RXYLT1: variants seen among roughly 807,000 people sequenced by gnomAD.
RXYLT1 encodes ribitol xylosyltransferase 1, also known as ribitol-5-phosphate xylosyltransferase 1.
RXYLT1 carries 41 observed loss-of-function variants against 43.5 expected under a neutral mutation model. That is an observed-to-expected ratio of 0.94 (90% confidence interval 0.73 to 1.22). The LOEUF (loss-of-function observed/expected upper bound fraction) is 1.22, where lower values mean the gene tolerates loss of function less well. RXYLT1 is among the 50% of genes most tolerant of loss of function. The pLI, the probability that RXYLT1 is intolerant of heterozygous loss-of-function variation, is 0.00. For missense variants in RXYLT1, 514 were observed against 532.0 expected, an observed-to-expected ratio of 0.97 and a Z score of 0.33; for synonymous variants, 166 against 194.4, an observed-to-expected ratio of 0.85 and a Z score of 1.21.
intron 3 of RXYLT1, among the ~76,000 whole-genome samples, chr12:63,785,849 C>T (rs1449951842): frequency 6.6e-6 from 1 of 152,018 alleles, no homozygotes; most frequent in Non-Finnish European, 1.5e-5. Context: ...CTACAGAAAT[C>T]AGGAAAGGAA....
chr12:63,790,103 A>G (rs1897890488), intron 3 of RXYLT1, among the ~76,000 whole-genome samples: 2 of 152,216 alleles, frequency 1.3e-5, no homozygotes, highest in Non-Finnish European at 2.9e-5. Context: ...ATTTTCATCA[A>G]CACATAGGCC....
intron 3 of RXYLT1, among the ~76,000 whole-genome samples, chr12:63,795,026 T>A (rs1565903158): frequency 6.6e-6 from 1 of 152,052 alleles, no homozygotes; most frequent in Non-Finnish European, 1.5e-5. Flanking sequence ...CTGGGCATGG[T>A]AGCTCCCGCC....
At chr12:63,788,689 C>T (rs1422735513) in intron 3 of RXYLT1, among the ~76,000 whole-genome samples, 2 of 152,232 alleles carry the variant, frequency 1.3e-5, no homozygotes, top group Non-Finnish European at 2.9e-5. Context: ...AATGTTGTGG[C>T]TGGTTTGATC....
chr12:63,789,689 AACTAT>A (rs1897881974), intron 3 of RXYLT1, among the ~76,000 whole-genome samples: 3 of 152,238 alleles, frequency 2.0e-5, no homozygotes, highest in Non-Finnish European at 4.4e-5. Flanking sequence ...GATTTAAGAG[AACTAT>A]ATTCAAGAAA....
chr12:63,790,716 C>T (rs1897903160), intron 3 of RXYLT1, among the ~76,000 whole-genome samples: 1 of 152,078 alleles, frequency 6.6e-6, no homozygotes, highest in Non-Finnish European at 1.5e-5. Context: ...CCTGCCTTGG[C>T]CTCCAAAAGT....
At chr12:63,794,674 C>T (rs527775304) in intron 3 of RXYLT1, among the ~76,000 whole-genome samples, 9 of 152,082 alleles carry the variant, frequency 5.9e-5, no homozygotes, top group East Asian at 3.9e-4. Flanking sequence ...GCCTTTTGAC[C>T]GGGCATGGTG....
chr12:63,803,852 T>G (rs1217282067), intron 4 of RXYLT1: 1 of 126,056 alleles, frequency 7.9e-6, no homozygotes, highest in Non-Finnish European at 1.7e-5. Context: ...GTCTGGAGAC[T>G]TTTTTTTTTT....
rs375260708 is a variant in RXYLT1 at position 63,781,283 on chromosome 12, T to A, written c.325+109T>A. On this transcript the variant is annotated intron_variant, in intron 2 of 5. Coordinates refer to ENST00000261234, the MANE Select transcript of RXYLT1 (RefSeq NM_014254.3). ...ATTTCATAATTTGTTAATTAAGGCA[T>A]CATGATATATTTTTTCGCTTTTTGT... 4.6e-5 allele frequency: 53 copies of A among 1,164,164 alleles called. 1 individual carries two copies. In the African/African-American group the frequency reaches 6.6e-4, roughly 14 times the overall value. 72.1% of individuals were successfully genotyped at this position (1,164,164 alleles called of 1,614,324 possible). A position where few individuals can be genotyped will look rare whatever the true frequency, so the allele number is the denominator to read the frequency against.
intron 2 of RXYLT1, among the ~76,000 whole-genome samples, chr12:63,783,425 T>TA (rs1425467430): frequency 2.0e-5 from 3 of 151,808 alleles, no homozygotes; most frequent in African/African-American, 7.3e-5. Context: ...CATGCCACCT[T>TA]ACTCCAGCCT....
chr12:63,780,140 G>A lies in RXYLT1; in HGVS notation c.169+11G>A, dbSNP rs1897641227. 3 of 1,467,574 alleles carry A rather than the reference G, an allele frequency of 2.0e-6. No individual in the cohort carries two copies. Among genetic ancestry groups the A allele is most frequent in the East Asian group, 5.3e-5 (2 of 37,764 alleles). The allele number at this position is 1,467,574 out of a possible 1,614,324, so 90.9% of individuals were successfully genotyped here. A position where few individuals can be genotyped will look rare whatever the true frequency, so the allele number is the denominator to read the frequency against. On this transcript the variant is annotated intron_variant, in intron 1 of 5. Coordinates refer to ENST00000261234, the MANE Select transcript of RXYLT1 (RefSeq NM_014254.3). ...AGAGACGCGGCCGAGGTAGGACTGGGTCGGCGGCTTCCTTCCGGCTCTGCG... is the reference window on the plus strand; with the variant it reads ...AGAGACGCGGCCGAGGTAGGACTGGATCGGCGGCTTCCTTCCGGCTCTGCG...
At chr12:63,797,662 C>A (rs1194740250) in intron 3 of RXYLT1, among the ~76,000 whole-genome samples, 1 of 152,002 alleles carries the variant, frequency 6.6e-6, no homozygotes, top group Non-Finnish European at 1.5e-5. Flanking sequence ...GGACTTTATT[C>A]TAGGGTAGTG....
chr12:63,803,852 T>C (rs1217282067), intron 4 of RXYLT1: 1 of 126,056 alleles, frequency 7.9e-6, no homozygotes, highest in African/African-American at 3.3e-5. Context: ...GTCTGGAGAC[T>C]TTTTTTTTTT....
Position 63,801,479 on chromosome 12 carries a change from G to C in RXYLT1, c.429-612G>C, listed in dbSNP as rs531558211. Among the ~76,000 whole-genome samples, 3 of 152,192 alleles carry C rather than the reference G, an allele frequency of 2.0e-5. No homozygotes were observed. The East Asian group carries it at 5.8e-4, about 29-fold the overall frequency. ...TATTCAATTATATTTCTTTGCTTAA[G>C]AGTTTAAATTCTAGCCAGCATTTAT... On this transcript the variant is annotated intron_variant, in intron 3 of 5. Transcript: ENST00000261234.
At chr12:63,805,966 AG>A (rs967023688) in intron 5 of RXYLT1, 1 of 152,264 alleles carries the variant, frequency 6.6e-6, no homozygotes, top group Non-Finnish European at 1.5e-5. Flanking sequence ...ACCAGGAAAC[AG>A]GTGTTCATGT....
chr12:63,803,181 C>CAAAAAAAAA (rs763579072), intron 4 of RXYLT1, among the ~76,000 whole-genome samples: 1 of 22,604 alleles, frequency 4.4e-5, no homozygotes, highest in African/African-American at 1.5e-4. Flanking sequence ...ACTGTCTCAC[C>CAAAAAAAAA]AAAAAAAAAA....
intron 3 of RXYLT1, among the ~76,000 whole-genome samples, chr12:63,800,985 C>T (rs576060358): frequency 7.3e-5 from 11 of 151,344 alleles, no homozygotes; most frequent in Admixed American, 6.6e-4. Context: ...TAACAAATTT[C>T]AGCTCTCTGT....
At position 63,805,234 on chromosome 12, in the gene RXYLT1, AT is replaced by A; in HGVS notation, c.745del (p.Tyr249ThrfsTer25). 1 of 1,592,350 alleles carries A rather than the reference AT, an allele frequency of 6.3e-7. No homozygotes were observed. The highest frequency in any genetic ancestry group is 8.5e-7 in the Non-Finnish European group (1 of 1,173,062). ...AATTCATGTGTATTTATTTTTATAG[AT>A]ACAGGAATTTTCCTGTGGTGGAGGC... Reference protein sequence around the residue: ...VFQWPLGVATYRNFPVVEASW... With the variant: ...VFQWPLGVATXRNFPVVEASW... On this transcript the variant is annotated frameshift_variant and splice_region_variant, in exon 5 of 6. Transcript: ENST00000261234. LOFTEE classifies it high-confidence loss of function.
At chr12:63,780,380 A>G in intron 1 of RXYLT1, 2 of 1,282,000 alleles carry the variant, frequency 1.6e-6, no homozygotes, top group African/African-American at 1.6e-5. Context: ...ACGCCTTTCA[A>G]ACACGTGTTA....
intron 2 of RXYLT1, among the ~76,000 whole-genome samples, chr12:63,781,841 G>T (rs531224686): frequency 1.3e-5 from 2 of 152,262 alleles, no homozygotes; most frequent in African/African-American, 4.8e-5. Flanking sequence ...TTGGGTTTAT[G>T]TACAATAAGG....
Sources: allele counts gnomAD v4.1 joint callset (sites outside exome capture counted in the v4.1 genomes callset), GRCh38; gene constraint gnomAD v4.1.1; transcripts MANE v1.5; gene names NCBI Gene and HGNC (gene_info 2026-07-23, HGNC 2026-07-21).